Variants in PALM2AKAP2 observed in about 807,000 individuals in gnomAD.
PALM2AKAP2 encodes the protein PALM2-AKAP2 fusion protein.
Under a neutral mutation model 71.5 loss-of-function variants are expected in PALM2AKAP2, and 37 were observed. The observed-to-expected ratio is 0.52, with a 90% CI of 0.40 to 0.68. PALM2AKAP2 has a LOEUF of 0.68. PALM2AKAP2 is among the 30% of genes least tolerant of loss of function. The probability of loss-of-function intolerance (pLI) is 0.00; values close to 1 mark genes in which losing one functional copy is unlikely to be tolerated. For missense variants in PALM2AKAP2, 1,224 were observed against 1,191.8 expected (o/e 1.03, Z -0.40); for synonymous variants, 468 against 478.8 (o/e 0.98, Z 0.29).
intron 7 of PALM2AKAP2, among the ~76,000 whole-genome samples, chr9:110,026,434 T>G (rs1008908796): frequency 4.6e-5 from 7 of 152,204 alleles, no homozygotes; most frequent in Non-Finnish European, 8.8e-5. Context: ...TTTAATTTTT[T>G]TATTAGCCTA....
intron 1 of PALM2AKAP2, among the ~76,000 whole-genome samples, chr9:109,795,975 C>G (rs1239882259): frequency 6.6e-6 from 1 of 152,222 alleles, no homozygotes; most frequent in African/African-American, 2.4e-5. Flanking sequence ...AACTTCCTGT[C>G]TGTCTCTCCT....
chr9:109,659,550 A>G lies in PALM2AKAP2; in HGVS notation c.5+18684A>G, dbSNP rs181912071. On this transcript the variant is annotated intron_variant, in intron 1 of 6. Transcript: ENST00000374531. ...TTGTGACTGGCTTCTTCCACTTAGCATAATGTTTTCAAGGTCCTTCTACAC... is the reference window on the plus strand; with the variant it reads ...TTGTGACTGGCTTCTTCCACTTAGCGTAATGTTTTCAAGGTCCTTCTACAC... 2.1e-4 allele frequency among the ~76,000 whole-genome samples: 32 copies of G among 152,230 alleles called. 1 individual carries two copies. The East Asian group carries it at 4.8e-3, about 23-fold the overall frequency.
rs79619158 is a variant in PALM2AKAP2 at position 109,893,555 on chromosome 9, C to T, written c.257+12874C>T. ...GCCTCCTGGGTTCAAGTGATTCTCT[C>T]GTGCCTTAGCCTCCAGAGTAGCTGG... On this transcript the variant is annotated intron_variant, in intron 3 of 9. Transcript: ENST00000302798. Among the ~76,000 whole-genome samples the T allele has an allele frequency of 1.8e-4, 28 of 152,278 alleles. No homozygotes were observed. The East Asian group carries it at 4.8e-3, about 26-fold the overall frequency.
chr9:109,757,987 C>T (rs1270987281), intron 1 of PALM2AKAP2, among the ~76,000 whole-genome samples: 1 of 152,034 alleles, frequency 6.6e-6, no homozygotes, highest in East Asian at 1.9e-4. Flanking sequence ...CCCCTCCCAA[C>T]CCCACTGAGA....
At chr9:109,757,978 C>G (rs1254476561) in intron 1 of PALM2AKAP2, among the ~76,000 whole-genome samples, 2 of 152,066 alleles carry the variant, frequency 1.3e-5, no homozygotes, top group Middle Eastern at 3.4e-3. Context: ...CATCCTAACC[C>G]CCTCCCAACC....
intron 1 of PALM2AKAP2, among the ~76,000 whole-genome samples, chr9:110,049,508 G>A (rs1018278854): frequency 2.6e-5 from 4 of 152,182 alleles, no homozygotes; most frequent in African/African-American, 9.7e-5. Flanking sequence ...GTCCGGGTCC[G>A]AGCTGAGCCA....
chr9:109,664,686 G>A (rs1022996350), intron 1 of PALM2AKAP2, among the ~76,000 whole-genome samples: 13 of 152,160 alleles, frequency 8.5e-5, no homozygotes, highest in Non-Finnish European at 1.5e-4. Context: ...CTCTTCTTGA[G>A]GAGTATCTTT....
chr9:109,883,211 T>TA (rs1181366084), intron 3 of PALM2AKAP2, among the ~76,000 whole-genome samples: 1 of 152,184 alleles, frequency 6.6e-6, no homozygotes, highest in Non-Finnish European at 1.5e-5. Flanking sequence ...GAAAAGTTGT[T>TA]AAAGTTCTTT....
rs536324009 is a variant in PALM2AKAP2 at position 109,824,466 on chromosome 9, T to G, written c.46-43025T>G. ...ACCTCTGATACTGTCATTTCTTCTT[T>G]CCAAAGTCTTGGCTATCATTTGAGG... On this transcript the variant is annotated intron_variant, in intron 1 of 9. Coordinates refer to the PALM2AKAP2 transcript ENST00000302798. 1.8e-4 allele frequency among the ~76,000 whole-genome samples: 28 copies of G among 152,334 alleles called. No homozygotes were observed. The South Asian group carries it at 5.8e-3, about 32-fold the overall frequency.
chr9:109,812,036 G>T (rs1401379628), intron 1 of PALM2AKAP2, among the ~76,000 whole-genome samples: 1 of 152,228 alleles, frequency 6.6e-6, no homozygotes, highest in Non-Finnish European at 1.5e-5. Context: ...TGCAGCTGGT[G>T]CCACTGGCTA....
intron 1 of PALM2AKAP2, among the ~76,000 whole-genome samples, chr9:109,708,516 T>A (rs1828177977): frequency 6.6e-6 from 1 of 152,060 alleles, no homozygotes; most frequent in Non-Finnish European, 1.5e-5. Context: ...CATTTCAGAG[T>A]GGAAAATGTT....
chr9:109,726,352 G>A (rs561357631), intron 1 of PALM2AKAP2, among the ~76,000 whole-genome samples: 4 of 152,290 alleles, frequency 2.6e-5, no homozygotes, highest in South Asian at 4.1e-4. Context: ...CAGGGCTCCC[G>A]GTGGAGGCAA....
At chr9:109,710,641 A>G (rs1219472858) in intron 1 of PALM2AKAP2, among the ~76,000 whole-genome samples, 3 of 152,162 alleles carry the variant, frequency 2.0e-5, no homozygotes. Context: ...GGCTCTCAGG[A>G]TTGGATGACA....
chr9:110,076,858 T>A (rs1172070279), intron 1 of PALM2AKAP2, among the ~76,000 whole-genome samples: 6 of 152,164 alleles, frequency 3.9e-5, no homozygotes, highest in Admixed American at 3.9e-4. Context: ...CATTACAGTA[T>A]CACTGCTTGG....
At chr9:109,744,764 T>C (rs564075312) in intron 1 of PALM2AKAP2, among the ~76,000 whole-genome samples, 14 of 152,316 alleles carry the variant, frequency 9.2e-5, no homozygotes, top group Admixed American at 3.9e-4. Flanking sequence ...TCACAGCCTC[T>C]GGCAACACTA....
intron 1 of PALM2AKAP2, among the ~76,000 whole-genome samples, chr9:109,737,974 T>C (rs1323741089): frequency 2.0e-5 from 3 of 152,240 alleles, no homozygotes; most frequent in Non-Finnish European, 2.9e-5. Context: ...TGCCTTGGCA[T>C]GGAAAATCTT....
chr9:110,138,420 C>A (rs149797840), exon 2 of PALM2AKAP2: 13 of 1,614,116 alleles, frequency 8.1e-6, no homozygotes, highest in East Asian at 4.5e-5. Context: ...GAGATCCGAG[C>A]AGCTCAGGAA....
intron 1 of PALM2AKAP2, among the ~76,000 whole-genome samples, chr9:110,129,356 T>G (rs1835685160): frequency 6.6e-6 from 1 of 152,216 alleles, no homozygotes; most frequent in Non-Finnish European, 1.5e-5. Context: ...CCATCCACTC[T>G]TCTTACCATT....
chr9:110,080,026 C>A (rs142131683), intron 1 of PALM2AKAP2, among the ~76,000 whole-genome samples: 1 of 128,996 alleles, frequency 7.8e-6, no homozygotes, highest in Non-Finnish European at 1.5e-5. Flanking sequence ...GCTGAGATTG[C>A]GCCATTGCAC....
Sources: allele counts gnomAD v4.1 joint callset (sites outside exome capture counted in the v4.1 genomes callset), GRCh38; gene constraint gnomAD v4.1.1; transcripts MANE v1.5; gene names NCBI Gene and HGNC (gene_info 2026-07-23, HGNC 2026-07-21).